COG5: variants seen among roughly 807,000 people sequenced by gnomAD.
COG5 encodes component of oligomeric golgi complex 5, also known as conserved oligomeric Golgi complex subunit 5.
A neutral mutation model predicts 110.4 loss-of-function variants in COG5; 86 were observed. The ratio of observed to expected loss-of-function variants is 0.78; its 90% CI spans 0.65 to 0.93. The LOEUF (loss-of-function observed/expected upper bound fraction) is 0.93. Among genes scored for constraint, COG5 ranks in the 40% least tolerant of loss-of-function variants. The pLI, the probability that COG5 is intolerant of heterozygous loss-of-function variation, is 0.00. For missense variants in COG5, 1,077 were observed against 987.0 expected, an observed-to-expected ratio of 1.09 and a Z score of -1.22; for synonymous variants, 360 against 334.6, an observed-to-expected ratio of 1.08 and a Z score of -0.83.
chr7:107,372,012 T>C (rs887966195), intron 8 of COG5, among the ~76,000 whole-genome samples: 1 of 152,188 alleles, frequency 6.6e-6, no homozygotes, highest in Non-Finnish European at 1.5e-5. Flanking sequence ...TATATGTAAA[T>C]ATCACCAGGT....
At chr7:107,374,393 A>G (rs1269175087) in intron 7 of COG5, among the ~76,000 whole-genome samples, 1 of 152,102 alleles carries the variant, frequency 6.6e-6, no homozygotes, top group Non-Finnish European at 1.5e-5. Flanking sequence ...AAACTAGAAT[A>G]CAGATATACT....
At chr7:107,533,446 C>T (rs1801354919) in intron 5 of COG5, among the ~76,000 whole-genome samples, 1 of 151,364 alleles carries the variant, frequency 6.6e-6, no homozygotes, top group South Asian at 2.1e-4. Flanking sequence ...GAATTGCTAA[C>T]TAGAATAACC....
At chr7:107,254,955 C>T (rs745830783) in intron 16 of COG5, among the ~76,000 whole-genome samples, 4 of 152,030 alleles carry the variant, frequency 2.6e-5, no homozygotes, top group African/African-American at 4.8e-5. Flanking sequence ...TATTAGAATG[C>T]GTACACAAAA....
chr7:107,557,896 T>G, intron 2 of COG5, 80 bp downstream of exon 2: 1 of 1,506,660 alleles, frequency 6.6e-7, no homozygotes, highest in Non-Finnish European at 9.2e-7. Flanking sequence ...AATATGCATT[T>G]GTATTTAATA....
At chr7:107,403,707 T>TATA (rs1027587875) in intron 7 of COG5, among the ~76,000 whole-genome samples, 5 of 152,110 alleles carry the variant, frequency 3.3e-5, no homozygotes, top group African/African-American at 1.2e-4. Flanking sequence ...AAAAGTCTTT[T>TATA]ATAAGGGCAC....
At chr7:107,276,574 GC>G (rs1043038778) in intron 14 of COG5, among the ~76,000 whole-genome samples, 1 of 152,136 alleles carries the variant, frequency 6.6e-6, no homozygotes, top group African/African-American at 2.4e-5. Context: ...GATACCTTGA[GC>G]CTGGGAGGCA....
rs780512275 is a variant in COG5, at chr7:107,474,521, T to C, written c.538+52716A>G. On this transcript the variant is annotated intron_variant, in intron 6 of 21. Transcript: ENST00000297135. This position sits in a 1 kb window ranked among gnomAD's most constrained non-coding sequence, Gnocchi z 5.7. ...AAACCTGCAAACCGAATTCTGACAA[T>C]GGGCAGAGCTGTAATGTTAATGATA... The C allele has an allele frequency of 3.1e-6, 5 of 1,612,452 alleles. No individual in the cohort carries two copies. The highest frequency in any genetic ancestry group is 3.4e-6 in the Non-Finnish European group (4 of 1,178,814).
At chr7:107,206,498 T>C (rs1425716561) in intron 21 of COG5, among the ~76,000 whole-genome samples, 1 of 152,162 alleles carries the variant, frequency 6.6e-6, no homozygotes, top group Non-Finnish European at 1.5e-5. Flanking sequence ...TCCTGGGAAA[T>C]TGTCTCCACT....
chr7:107,409,835 C>T (rs1298713247), intron 7 of COG5, among the ~76,000 whole-genome samples: 1 of 152,108 alleles, frequency 6.6e-6, no homozygotes, highest in Non-Finnish European at 1.5e-5. Flanking sequence ...AGGAGTGTGA[C>T]AAGATCATCT....
At chr7:107,362,282 T>A (rs1167676056) in intron 9 of COG5, 26 bp downstream of exon 9, 1 of 1,558,862 alleles carries the variant, frequency 6.4e-7, no homozygotes, top group Non-Finnish European at 8.8e-7. Flanking sequence ...CATATTAATG[T>A]TTTTTCCACT....
intron 6 of COG5, among the ~76,000 whole-genome samples, chr7:107,467,918 C>T (rs1464357146): frequency 6.6e-6 from 1 of 152,146 alleles, no homozygotes; most frequent in East Asian, 1.9e-4. Context: ...GCTCGAGCTA[C>T]CATTATGGCT....
chr7:107,237,148 C>G (rs182608417), intron 17 of COG5, among the ~76,000 whole-genome samples: 6 of 152,304 alleles, frequency 3.9e-5, no homozygotes, highest in Non-Finnish European at 5.9e-5. Context: ...TGGCAAAGAT[C>G]TCTCTGCTCT....
chr7:107,454,197 TAAAAG>T (rs1389006031), intron 6 of COG5, among the ~76,000 whole-genome samples: 1 of 152,294 alleles, frequency 6.6e-6, no homozygotes, highest in Admixed American at 6.5e-5. Flanking sequence ...TGAAACCACT[TAAAAG>T]AACAACATGA....
intron 11 of COG5, among the ~76,000 whole-genome samples, chr7:107,314,582 C>CAAAAA (rs764317288): frequency 7.9e-4 from 43 of 54,718 alleles, no homozygotes; most frequent in African/African-American, 1.4e-3. Flanking sequence ...ATCTCTACTA[C>CAAAAA]AAAAAAAAAA....
chr7:107,271,354 A>G (rs889761674), intron 14 of COG5, among the ~76,000 whole-genome samples: 1 of 152,132 alleles, frequency 6.6e-6, no homozygotes, highest in East Asian at 1.9e-4. Context: ...AATTACATCA[A>G]ATCTACAGAT....
intron 6 of COG5, among the ~76,000 whole-genome samples, chr7:107,454,620 T>C (rs1021686946): frequency 1.3e-5 from 2 of 152,192 alleles, no homozygotes; most frequent in Admixed American, 6.5e-5. Context: ...TTTAAACCCA[T>C]AGTATCATAA....
chr7:107,336,784 C>G (rs758916229), intron 10 of COG5, among the ~76,000 whole-genome samples: 2 of 151,998 alleles, frequency 1.3e-5, no homozygotes, highest in African/African-American at 2.4e-5. Context: ...CTCAAATAAC[C>G]CAGGCTACCG....
At chr7:107,521,897 G>A (rs1354263953) in intron 6 of COG5, among the ~76,000 whole-genome samples, 2 of 152,058 alleles carry the variant, frequency 1.3e-5, no homozygotes, top group Non-Finnish European at 2.9e-5. Context: ...GTCCATCAAC[G>A]ATAGATTGGA....
intron 7 of COG5, among the ~76,000 whole-genome samples, chr7:107,376,107 C>T (rs1027238978): frequency 3.3e-5 from 5 of 152,076 alleles, no homozygotes; most frequent in Non-Finnish European, 5.9e-5. Context: ...TTGCAATAAA[C>T]CAAGTTTCTA....
Sources: gnomAD v4.1 joint callset for allele counts (sites outside exome capture counted in the v4.1 genomes callset) on GRCh38, gnomAD v4.1.1 for gene constraint, Gnocchi (gnomAD v3.1) non-coding constraint, MANE v1.5 for transcripts, NCBI Gene and HGNC (gene_info 2026-07-23, HGNC 2026-07-21) for gene names.